The following SDHA variants were observed in gnomAD, a reference collection of about 807,000 sequenced individuals.
SDHA encodes the protein succinate dehydrogenase complex flavoprotein subunit A, also known as succinate dehydrogenase [ubiquinone] flavoprotein subunit, mitochondrial.
Under a neutral mutation model 78.4 loss-of-function variants are expected in SDHA, and 48 were observed. That is an observed-to-expected ratio of 0.61 (90% CI 0.49 to 0.78). SDHA has a LOEUF of 0.78. Ranked by LOEUF, SDHA falls within the 30% of genes least tolerant of loss-of-function variation. SDHA has a pLI of 0.00. For synonymous variants in SDHA, 326 were observed against 353.9 expected, an observed-to-expected ratio of 0.92 and a Z score of 0.88; for missense variants, 680 against 892.7, an observed-to-expected ratio of 0.76 and a Z score of 3.04.
chr5:241,661 T>C (rs980391153), intron 11 of SDHA, among the ~76,000 whole-genome samples: 4 of 152,270 alleles, frequency 2.6e-5, no homozygotes, highest in African/African-American at 4.8e-5. Context: ...TGCCTACTAT[T>C]TGCAAGAATT....
At chr5:228,766 A>G in intron 6 of SDHA, among the ~76,000 whole-genome samples, 1 of 152,228 alleles carries the variant, frequency 6.6e-6, no homozygotes, top group East Asian at 1.9e-4. Context: ...AGTTACTTTA[A>G]CCATTTTAAA....
At chr5:240,238 G>C in intron 10 of SDHA, 120 bp from the exon 11 acceptor site, 1 of 697,644 alleles carries the variant, frequency 1.4e-6, no homozygotes, top group Non-Finnish European at 2.6e-6. Flanking sequence ...TAGCTCAGGA[G>C]ACTTACAGAG....
chr5:255,193 G>C (rs796978791), intron 14 of SDHA, among the ~76,000 whole-genome samples: 1 of 151,910 alleles, frequency 6.6e-6, no homozygotes, highest in Non-Finnish European at 1.5e-5. Context: ...TGGCATTTCC[G>C]CTGGGCATTA....
chr5:255,069 G>A (rs1224763800), intron 14 of SDHA, among the ~76,000 whole-genome samples: 1 of 148,134 alleles, frequency 6.8e-6, no homozygotes. Context: ...CCGAGGGTGT[G>A]GTAGGGGGTC....
chr5:258,323 C>T (rs111811964), downstream of SDHA, among the ~76,000 whole-genome samples: 6,041 of 98,066 alleles, frequency 0.062, 713 homozygotes, highest in Middle Eastern at 0.16. Context: ...GTGAGCTCCG[C>T]CCCCCTGTCA....
chr5:234,046 C>G (rs1463564340), intron 8 of SDHA: 4 of 263,524 alleles, frequency 1.5e-5, no homozygotes, highest in Admixed American at 5.1e-5. Context: ...CATTGCCTGA[C>G]CCTGTTCTTT....
chr5:234,508 G>A (rs1735642665), intron 8 of SDHA: 1 of 154,602 alleles, frequency 6.5e-6, no homozygotes, highest in African/African-American at 2.4e-5. Context: ...CCACATGTGT[G>A]GTTTCAGCCA....
chr5:240,510 A>C (rs750689094), intron 11 of SDHA, 34 bp downstream of exon 11: 18 of 1,352,890 alleles, frequency 1.3e-5, no homozygotes, highest in East Asian at 2.3e-5. Context: ...AGTGAGCAGG[A>C]GGGCTGCATA....
the SDHA span, among the ~76,000 whole-genome samples, chr5:262,501 C>T: frequency 4.6e-5 from 7 of 152,288 alleles, 1 homozygote; most frequent in East Asian, 3.9e-4. Context: ...TTGTGAACTG[C>T]ACATGCGAAG....
At chr5:220,033 C>G (rs1317692986) in intron 1 of SDHA, among the ~76,000 whole-genome samples, 1 of 152,058 alleles carries the variant, frequency 6.6e-6, no homozygotes, top group African/African-American at 2.4e-5. Flanking sequence ...AAAAAATTAG[C>G]AGAAAAAAGA....
At chr5:260,779 CCGACAGAGCA>C (rs1465610712), downstream of SDHA, among the ~76,000 whole-genome samples, 2 of 12,370 alleles carry the variant, frequency 1.6e-4, no homozygotes, top group Non-Finnish European at 1.7e-4. Flanking sequence ...GCTCCGCCTC[CCGACAGAGCA>C]TTACCGTGTG....
Position 233,558 on chromosome 5 carries a change from T to G in SDHA, c.977T>G (p.Phe326Cys). 3.7e-6 allele frequency: 6 copies of G among 1,614,176 alleles called. No individual in the cohort carries two copies. Among genetic ancestry groups the G allele is most frequent in the Non-Finnish European group, 5.1e-6 (6 of 1,180,024 alleles). The change falls in exon 8 of 15, where the codon TTT becomes TGT. Residue 326 changes from phenylalanine to cysteine, a missense_variant. Physicochemically the swap from Phe to Cys is radical, Grantham distance 205 (BLOSUM62 -2). Transcript: ENST00000264932. ...GILINSQGERFMERYAPVAKD... is the reference protein window; with the variant it reads ...GILINSQGERCMERYAPVAKD... Reference sequence around the variant, plus strand: ...CTCATTAACAGTCAAGGCGAAAGGTTTATGGAGCGATACGCCCCTGTCGCG... The same window carrying G: ...CTCATTAACAGTCAAGGCGAAAGGTGTATGGAGCGATACGCCCCTGTCGCG...
intron 1 of SDHA, among the ~76,000 whole-genome samples, chr5:222,350 CT>C (rs750198454): frequency 1.5e-3 from 203 of 135,340 alleles, no homozygotes; most frequent in East Asian, 5.5e-3. Context: ...TTTTTCTTTT[CT>C]TTTTTTTTTT....
intron 14 of SDHA, among the ~76,000 whole-genome samples, chr5:255,144 G>GTCGCAGCCTTGTTGCACACAAGCACAGC (rs1478262696): frequency 2.7e-3 from 407 of 151,614 alleles, no homozygotes; most frequent in African/African-American, 5.8e-3. Flanking sequence ...GTGGTAGGGG[G>GTCGCAGCCTTGTTGCACACAAGCACAGC]GTCGCAGCCT....
the SDHA span, among the ~76,000 whole-genome samples, chr5:264,363 C>T: frequency 2.0e-5 from 3 of 152,196 alleles, no homozygotes; most frequent in Non-Finnish European, 2.9e-5. Flanking sequence ...TGGCCCTGAG[C>T]AGCAGCTGAA....
Position 250,842 on chromosome 5 carries a change from A to T in SDHA, c.1552-150A>T, listed in dbSNP as rs548818893. ...AAAACTTCATTTTTAAGTTTGGAGT[A>T]ATAAACTCATAGTCTGAATTTCCTA... On this transcript the variant is annotated intron_variant, in intron 11 of 14. Coordinates refer to ENST00000264932, the MANE Select transcript of SDHA (RefSeq NM_004168.4). 9.6e-5 allele frequency: 69 copies of T among 717,016 alleles called. No individual in the cohort carries two copies. In the South Asian group the frequency reaches 1.1e-3, roughly 11 times the overall value. The allele number at this position is 717,016 out of a possible 1,614,324, so 44.4% of individuals were successfully genotyped here.
intron 10 of SDHA, among the ~76,000 whole-genome samples, chr5:239,560 CAAA>C (rs58584596): frequency 6.9e-6 from 1 of 144,548 alleles, no homozygotes; most frequent in Non-Finnish European, 1.5e-5. Context: ...AATTCCATCT[CAAA>C]AAAAAAAAAA....
the SDHA span, among the ~76,000 whole-genome samples, chr5:268,706 TA>T: frequency 3.9e-5 from 6 of 152,182 alleles, no homozygotes; most frequent in African/African-American, 1.4e-4. Flanking sequence ...TTAAATATTA[TA>T]AGGGTGGATT....
downstream of SDHA, among the ~76,000 whole-genome samples, chr5:258,889 C>CCCCCGCCAGAGCATTACCGCGTGAG (rs1737380691): frequency 1.8e-5 from 1 of 55,974 alleles, no homozygotes; most frequent in Non-Finnish European, 3.7e-5. Context: ...TGAGCTCCGC[C>CCCCCGCCAGAGCATTACCGCGTGAG]CTCCGCCAGA....
Sources: allele counts gnomAD v4.1 joint callset (sites outside exome capture counted in the v4.1 genomes callset), GRCh38; gene constraint gnomAD v4.1.1; transcripts MANE v1.5; gene names NCBI Gene and HGNC (gene_info 2026-07-23, HGNC 2026-07-21).